The following MLIP variants were observed in gnomAD, a reference collection of about 807,000 sequenced individuals.
The protein encoded by MLIP is muscular LMNA-interacting protein.
In MLIP, 79 loss-of-function variants were observed where a neutral mutation model predicts 84.8. The ratio of observed to expected loss-of-function variants is 0.93; its 90% CI spans 0.78 to 1.12. The LOEUF (loss-of-function observed/expected upper bound fraction) is 1.12, where lower values mean the gene tolerates loss of function less well. Among genes scored for constraint, MLIP ranks in the 50% most tolerant of loss-of-function variants. MLIP has a pLI of 0.00. For synonymous variants in MLIP, 504 were observed against 463.0 expected (o/e 1.09, Z -1.14); for missense variants, 1,257 against 1,160.6 (o/e 1.08, Z -1.21).
chr6:54,082,763 T>G (rs1213920087), intron 1 of MLIP, among the ~76,000 whole-genome samples: 1 of 152,188 alleles, frequency 6.6e-6, no homozygotes, highest in East Asian at 1.9e-4. Flanking sequence ...CTTTCATTTT[T>G]TTTTTGGTCA....
chr6:54,027,422 T>C (rs113669876), intron 1 of MLIP, among the ~76,000 whole-genome samples: 2 of 137,306 alleles, frequency 1.5e-5, no homozygotes, highest in Admixed American at 7.4e-5. Context: ...CACACACACA[T>C]ATATACATAA....
chr6:54,099,422 A>G (rs1296144824), intron 1 of MLIP: 2 of 152,140 alleles, frequency 1.3e-5, no homozygotes, highest in African/African-American at 2.4e-5. Context: ...AGGCTACTCA[A>G]TTGAATGTCA....
intron 2 of MLIP, among the ~76,000 whole-genome samples, chr6:54,123,060 T>C (rs533015965): frequency 6.6e-6 from 1 of 152,038 alleles, no homozygotes; most frequent in South Asian, 2.1e-4. Flanking sequence ...GCCTCCCGAA[T>C]AGCTGGGACT....
At chr6:54,143,925 T>C (rs1772551776) in intron 4 of MLIP, among the ~76,000 whole-genome samples, 1 of 152,092 alleles carries the variant, frequency 6.6e-6, no homozygotes, top group South Asian at 2.1e-4. Flanking sequence ...AATATTATAA[T>C]AAAATGAAAC....
At chr6:54,235,924 A>G (rs1478688248) in intron 12 of MLIP, among the ~76,000 whole-genome samples, 2 of 151,838 alleles carry the variant, frequency 1.3e-5, no homozygotes, top group Non-Finnish European at 2.9e-5. Flanking sequence ...TTTTTTCTTC[A>G]CTAGCATGGC....
chr6:54,253,102 AACGAG>A (rs1431956325), intron 12 of MLIP, among the ~76,000 whole-genome samples: 1 of 152,132 alleles, frequency 6.6e-6, no homozygotes, highest in African/African-American at 2.4e-5. Flanking sequence ...AACAACTAAC[AACGAG>A]TTAGTTTTAG....
chr6:54,223,599 C>A (rs1432353453), intron 11 of MLIP, among the ~76,000 whole-genome samples: 2 of 151,920 alleles, frequency 1.3e-5, no homozygotes, highest in Non-Finnish European at 2.9e-5. Flanking sequence ...TATGACAGTG[C>A]CATACTGTTT....
rs1775561806 is a variant in MLIP, at chr6:54,169,572, T to C, written c.2544T>C (p.Tyr848=). ...GAGCAGCTGGTCGAGAAACCAAATATGTAAGTACCTTTATAATTATACACA... is the reference window on the plus strand; with the variant it reads ...GAGCAGCTGGTCGAGAAACCAAATACGTAAGTACCTTTATAATTATACACA... The part of the protein sequence containing the change: ...LPRAAGRETK[Y]ANLSSPSSTV... Residue 848 remains tyrosine, a splice_region_variant and synonymous_variant, in exon 9 of 14, where the codon TAT becomes TAC. Coordinates refer to ENST00000502396, the MANE Select transcript of MLIP (RefSeq NM_001281747.2). 1.3e-6 allele frequency: 2 copies of C among 1,585,158 alleles called. No homozygotes were observed. The highest frequency in any genetic ancestry group is 1.7e-6 in the Non-Finnish European group (2 of 1,164,344).
intron 1 of MLIP, among the ~76,000 whole-genome samples, chr6:54,065,657 G>A (rs1766196957): frequency 2.0e-5 from 2 of 99,540 alleles, no homozygotes; most frequent in African/African-American, 5.1e-5. Context: ...AGCATCTGAA[G>A]CGGTTGGGTG....
At chr6:54,063,487 A>T (rs768002465) in intron 1 of MLIP, 11 of 152,342 alleles carry the variant, frequency 7.2e-5, no homozygotes, top group Non-Finnish European at 1.5e-4. Context: ...AATTTGGCAT[A>T]TTTAACAATG....
chr6:54,121,042 T>C (rs530109335), intron 1 of MLIP, among the ~76,000 whole-genome samples: 1 of 152,334 alleles, frequency 6.6e-6, no homozygotes, highest in East Asian at 1.9e-4. Flanking sequence ...TTTTCTTGCA[T>C]GCTTATTGAT....
chr6:54,136,770 C>T lies in MLIP; in HGVS notation c.701C>T (p.Ser234Phe), dbSNP rs1036758642. 2.6e-6 allele frequency: 4 copies of T among 1,520,352 alleles called. No homozygotes were observed. In the African/African-American group the frequency reaches 5.5e-5, roughly 21 times the overall value. 94.2% of individuals were successfully genotyped at this position (1,520,352 alleles called of 1,614,324 possible). Residue 234 changes from serine to phenylalanine, a missense_variant, in exon 4 of 14, where the codon TCC (serine) becomes TTC (phenylalanine). By Grantham distance (155) the Ser-to-Phe change is radical (BLOSUM62 -2). Transcript: ENST00000502396. ...EQLACKPPAF[S>F]FVSPTNPNTP... is the part of the protein sequence containing the mutation. Reference sequence around the variant, plus strand: ...CTTGCCTGTAAACCACCTGCTTTCTCCTTTGTTTCTCCAACTAATCCGAAC... The same window carrying T: ...CTTGCCTGTAAACCACCTGCTTTCTTCTTTGTTTCTCCAACTAATCCGAAC...
intron 11 of MLIP, among the ~76,000 whole-genome samples, chr6:54,211,130 C>CT (rs1457328620): frequency 6.6e-6 from 1 of 152,154 alleles, no homozygotes; most frequent in Non-Finnish European, 1.5e-5. Context: ...ATCCCAGCTA[C>CT]TCAGGAGTCT....
intron 11 of MLIP, among the ~76,000 whole-genome samples, chr6:54,214,650 C>G (rs962428717): frequency 5.3e-5 from 8 of 152,226 alleles, no homozygotes; most frequent in African/African-American, 1.9e-4. Context: ...AGTATTAACT[C>G]TGCCATGAGT....
intron 10 of MLIP, among the ~76,000 whole-genome samples, chr6:54,201,334 G>A (rs964702202): frequency 1.3e-5 from 2 of 152,128 alleles, no homozygotes; most frequent in Non-Finnish European, 2.9e-5. Context: ...AGGAAAGAAC[G>A]TCAGGAAAGG....
chr6:54,247,390 A>G (rs2150856123), intron 12 of MLIP, among the ~76,000 whole-genome samples: 1 of 152,262 alleles, frequency 6.6e-6, no homozygotes, highest in Middle Eastern at 3.4e-3. Context: ...TGGAAGTAAA[A>G]GAAGACAGAT....
intron 11 of MLIP, among the ~76,000 whole-genome samples, chr6:54,220,164 A>G (rs1475159693): frequency 6.6e-6 from 1 of 152,192 alleles, no homozygotes; most frequent in Admixed American, 6.5e-5. Context: ...GATTAAAACA[A>G]TTTAAAATAT....
chr6:54,057,237 C>A (rs191038167), intron 1 of MLIP, among the ~76,000 whole-genome samples: 7 of 152,302 alleles, frequency 4.6e-5, no homozygotes, highest in Admixed American at 4.6e-4. Flanking sequence ...CAACACATAA[C>A]AATTCCATAT....
chr6:54,021,535 A>G lies in MLIP; in HGVS notation c.63+2444A>G, dbSNP rs978944924. ...AAATTCATCAGTTTATTACACACAA[A>G]GATAAAACAAGACAAAATAAGACAA... On this transcript the variant is annotated intron_variant, in intron 1 of 12. Transcript: ENST00000274897. Among the ~76,000 whole-genome samples the G allele has an allele frequency of 3.2e-4, 48 of 152,302 alleles. 1 individual carries two copies. The highest frequency in any genetic ancestry group is 1.1e-3 in the African/African-American group (45 of 41,584).
Sources: gnomAD v4.1 joint callset for allele counts (sites outside exome capture counted in the v4.1 genomes callset) on GRCh38, gnomAD v4.1.1 for gene constraint, MANE v1.5 for transcripts, NCBI Gene and HGNC (gene_info 2026-07-23, HGNC 2026-07-21) for gene names.